The following P4HA2 variants were observed in gnomAD, a reference collection of about 807,000 sequenced individuals.
P4HA2 encodes the protein prolyl 4-hydroxylase subunit alpha-2.
In P4HA2, 46 loss-of-function variants were observed where a neutral mutation model predicts 76.9. That is an observed-to-expected ratio of 0.60 (90% CI 0.47 to 0.76). P4HA2 has a LOEUF of 0.76. P4HA2 is among the 30% of genes least tolerant of loss of function. The pLI, the probability that P4HA2 is intolerant of heterozygous loss-of-function variation, is 0.00. For synonymous variants in P4HA2, 243 were observed against 254.0 expected, an observed-to-expected ratio of 0.96 and a Z score of 0.41; for missense variants, 583 against 669.4, an observed-to-expected ratio of 0.87 and a Z score of 1.42.
At position 132,192,728 on chromosome 5, in the gene P4HA2, C is replaced by A; in HGVS notation, c.*282G>T. 1 of 365,492 alleles carries A rather than the reference C, an allele frequency of 2.7e-6. No homozygotes were observed. Among genetic ancestry groups the A allele is most frequent in the Non-Finnish European group, 4.9e-6 (1 of 202,132 alleles). The allele number at this position is 365,492 out of a possible 1,614,324, so 22.6% of individuals were successfully genotyped here. The stretch of plus-strand genomic sequence containing the variant: ...TTTGGTTCACTGAAACATCTCACAC[C>A]TAAAACACCTGAGGTACAAAGGCAC... On this transcript the variant is annotated 3_prime_UTR_variant, in exon 15 of 15. Coordinates refer to ENST00000360568, the MANE Select transcript of P4HA2 (RefSeq NM_001017974.2).
chr5:132,217,421 T>A, intron 3 of P4HA2, 73 bp from the exon 4 acceptor site: 4 of 1,472,744 alleles, frequency 2.7e-6, no homozygotes, highest in Non-Finnish European at 2.8e-6. Context: ...ATTTTCCTAG[T>A]GAGAATTCCC....
intron 1 of P4HA2, among the ~76,000 whole-genome samples, chr5:132,223,744 T>A (rs752331463): frequency 1.3e-5 from 2 of 152,248 alleles, no homozygotes; most frequent in African/African-American, 2.4e-5. Flanking sequence ...CTAAGCTAGA[T>A]AACTACCTCC....
Position 132,225,049 on chromosome 5 carries a change from G to GAAA in P4HA2, c.-19+2738_-19+2740dup, listed in dbSNP as rs371037185. Among the ~76,000 whole-genome samples the GAAA allele has an allele frequency of 4.4e-3, 512 of 116,584 alleles. 6 individuals carry two copies. Among genetic ancestry groups the GAAA allele is most frequent in the Non-Finnish European group, 5.9e-3 (341 of 57,446 alleles). 76.5% of individuals were successfully genotyped at this position (116,584 alleles called of 152,430 possible). A position where few individuals can be genotyped will look rare whatever the true frequency, so the allele number is the denominator to read the frequency against. On this transcript the variant is annotated intron_variant, in intron 1 of 14. Transcript: ENST00000360568. ...ACTTTTCATTCTCCTCTGCTCTGAG[G>GAAA]AAAAAAAAAAAAAAAAAAAACTGTC...
intron 11 of P4HA2, 115 bp downstream of exon 11, chr5:132,198,764 G>T: frequency 2.7e-6 from 2 of 751,654 alleles, no homozygotes; most frequent in Non-Finnish European, 2.4e-6. Context: ...CAGAGGTGGA[G>T]GGAGGACAAG....
At chr5:132,221,972 A>G (rs1490869152) in intron 1 of P4HA2, 7 of 152,280 alleles carry the variant, frequency 4.6e-5, no homozygotes, top group Non-Finnish European at 1.0e-4. Context: ...AAAGACATTT[A>G]CAATCTGGCC....
intron 6 of P4HA2, 95 bp downstream of exon 6, chr5:132,210,189 C>G: frequency 7.1e-7 from 1 of 1,415,404 alleles, no homozygotes; most frequent in Non-Finnish European, 9.9e-7. Context: ...GGTAAACTGA[C>G]TCAGTCCCAG....
chr5:132,204,066 C>T lies in P4HA2; in HGVS notation c.1151+16G>A, dbSNP rs201520046. 24 of 1,602,208 alleles carry T rather than the reference C, an allele frequency of 1.5e-5. No individual in the cohort carries two copies. The highest frequency in any genetic ancestry group is 1.3e-4 in the South Asian group (12 of 90,868). On this transcript the variant is annotated intron_variant, in intron 9 of 14. Transcript: ENST00000360568. ...GTTGGGGCTTGAGCAGCTACGAACC[C>T]CTGCTCTTTGCTTACCTTTTGGAAA...
At chr5:132,222,640 G>A (rs759152148) in intron 1 of P4HA2, among the ~76,000 whole-genome samples, 3 of 152,194 alleles carry the variant, frequency 2.0e-5, no homozygotes, top group African/African-American at 4.8e-5. Flanking sequence ...GCCCTCTCTA[G>A]CCTCATCTCA....
intron 1 of P4HA2, among the ~76,000 whole-genome samples, chr5:132,221,281 A>C (rs2126632149): frequency 6.6e-6 from 1 of 152,284 alleles, no homozygotes; most frequent in South Asian, 2.1e-4. Context: ...ACAATGTCAA[A>C]CCCACTTTTA....
chr5:132,210,077 G>A (rs1464662081), intron 6 of P4HA2, among the ~76,000 whole-genome samples: 3 of 152,166 alleles, frequency 2.0e-5, no homozygotes, highest in South Asian at 2.1e-4. Flanking sequence ...ATCTATCAGC[G>A]ACTGCGCAAA....
intron 1 of P4HA2, among the ~76,000 whole-genome samples, chr5:132,220,457 C>T (rs1754510744): frequency 6.6e-6 from 1 of 152,176 alleles, no homozygotes; most frequent in South Asian, 2.1e-4. Flanking sequence ...GAGAACAGGG[C>T]CCAGGCAGGT....
chr5:132,219,915 C>T (rs1754432013), intron 1 of P4HA2, among the ~76,000 whole-genome samples: 1 of 152,164 alleles, frequency 6.6e-6, no homozygotes, highest in African/African-American at 2.4e-5. Context: ...GCAAATGGAT[C>T]CTCTATCAGA....
chr5:132,225,048 G>C (rs1308463093), intron 1 of P4HA2, among the ~76,000 whole-genome samples: 3 of 53,230 alleles, frequency 5.6e-5, no homozygotes, highest in African/African-American at 1.9e-4. Context: ...TCTGCTCTGA[G>C]GAAAAAAAAA....
At chr5:132,223,388 G>A (rs912187369) in intron 1 of P4HA2, among the ~76,000 whole-genome samples, 1 of 152,152 alleles carries the variant, frequency 6.6e-6, no homozygotes, top group African/African-American at 2.4e-5. Context: ...TCAGCCTCCT[G>A]AGTAGCTTGG....
rs764211125 is a variant in P4HA2 at position 132,213,966 on chromosome 5, T to A, written c.419A>T (p.Gln140Leu). 1.9e-6 allele frequency: 3 copies of A among 1,614,188 alleles called. No individual in the cohort carries two copies. The highest frequency in any genetic ancestry group is 2.5e-6 in the Non-Finnish European group (3 of 1,179,972). Residue 140 changes from glutamine (Q) to leucine (L), a missense_variant, in exon 5 of 15, where the codon CAG becomes CTG. Physicochemically the swap from Gln to Leu is moderately radical, Grantham distance 113. Coordinates refer to ENST00000360568, the MANE Select transcript of P4HA2 (RefSeq NM_001017974.2). ...GCCTGGGTCCAGCCTGTATGTGTCC[T>A]GAAGTCTCATCAGGGCTTTGGCAGC... ...IGAAKALMRL[Q>L]DTYRLDPGTI...
chr5:132,207,669 C>T (rs1328687592), intron 8 of P4HA2, 39 bp downstream of exon 8: 1 of 1,575,342 alleles, frequency 6.3e-7, no homozygotes, highest in Non-Finnish European at 8.7e-7. Context: ...AGGACCTTCC[C>T]CCTTCAGTGA....
intron 14 of P4HA2, among the ~76,000 whole-genome samples, chr5:132,194,535 A>T (rs966568429): frequency 6.6e-6 from 1 of 152,102 alleles, no homozygotes; most frequent in African/African-American, 2.4e-5. Context: ...GCCAGCCCCC[A>T]CACCCGTATG....
intron 4 of P4HA2, 45 bp from the exon 5 acceptor site, chr5:132,214,098 G>T: frequency 6.3e-7 from 1 of 1,597,330 alleles, no homozygotes. Context: ...TGATCCAGGG[G>T]CAGAATTCCA....
chr5:132,223,773 A>G (rs1304537168), intron 1 of P4HA2, among the ~76,000 whole-genome samples: 1 of 152,260 alleles, frequency 6.6e-6, no homozygotes, highest in Non-Finnish European at 1.5e-5. Context: ...TATAAGATAG[A>G]TACAAATGAC....
Sources: allele counts gnomAD v4.1 joint callset (sites outside exome capture counted in the v4.1 genomes callset), GRCh38; gene constraint gnomAD v4.1.1; transcripts MANE v1.5; gene names NCBI Gene and HGNC (gene_info 2026-07-23, HGNC 2026-07-21).